Variants in CCDC149 observed in about 807,000 individuals in gnomAD.
CCDC149 encodes coiled-coil domain containing 149.
A neutral mutation model predicts 59.9 loss-of-function variants in CCDC149; 45 were observed. The ratio of observed to expected loss-of-function variants is 0.75; its 90% CI spans 0.59 to 0.96. The LOEUF is 0.96. Among genes scored for constraint, CCDC149 ranks in the 40% least tolerant of loss-of-function variants. The pLI, the probability that CCDC149 is intolerant of heterozygous loss-of-function variation, is 0.00. For missense variants in CCDC149, 584 were observed against 664.7 expected, an observed-to-expected ratio of 0.88 and a Z score of 1.33; for synonymous variants, 245 against 260.6, an observed-to-expected ratio of 0.94 and a Z score of 0.58.
intron 4 of CCDC149, among the ~76,000 whole-genome samples, chr4:24,844,227 A>G (rs1717118293): frequency 6.6e-6 from 1 of 152,058 alleles, no homozygotes; most frequent in African/African-American, 2.4e-5. Flanking sequence ...CTTGCTTGTC[A>G]TATGCACTGA....
chr4:24,885,893 A>T (rs1018734162), intron 1 of CCDC149, among the ~76,000 whole-genome samples: 1 of 152,210 alleles, frequency 6.6e-6, no homozygotes, highest in Non-Finnish European at 1.5e-5. Context: ...TAGGAATAAT[A>T]AGAAGACCTT....
chr4:24,959,444 T>C (rs542392762), intron 1 of CCDC149, among the ~76,000 whole-genome samples: 95 of 151,902 alleles, frequency 6.3e-4, no homozygotes, highest in Non-Finnish European at 1.2e-3. Context: ...AACCTTTGAC[T>C]GGATACCAAC....
chr4:24,952,161 T>C (rs1723310349), intron 1 of CCDC149, among the ~76,000 whole-genome samples: 1 of 152,210 alleles, frequency 6.6e-6, no homozygotes, highest in Non-Finnish European at 1.5e-5. Context: ...GAAGCATACG[T>C]GTACACATCT....
At chr4:24,958,891 G>A (rs1723551115) in intron 1 of CCDC149, among the ~76,000 whole-genome samples, 1 of 152,004 alleles carries the variant, frequency 6.6e-6, no homozygotes, top group Non-Finnish European at 1.5e-5. Context: ...CAGGTGTGGT[G>A]GCACACACCT....
intron 1 of CCDC149, among the ~76,000 whole-genome samples, chr4:24,893,612 A>ATTTTTTT (rs1560241640): frequency 1.2e-3 from 11 of 9,370 alleles, no homozygotes; most frequent in South Asian, 6.0e-3. Flanking sequence ...TAAAATACAG[A>ATTTTTTT]CTTTTTTTTT....
intron 1 of CCDC149, among the ~76,000 whole-genome samples, chr4:24,945,624 CT>C (rs33977689): frequency 0.019 from 2,623 of 141,582 alleles, 24 homozygotes; most frequent in Non-Finnish European, 0.018. Flanking sequence ...TATGCCCTAA[CT>C]TTTTTTTTTT....
rs1241864587 is a variant in CCDC149 at position 24,808,485 on chromosome 4, G to A, written c.1527C>T (p.Ser509=). The A allele has an allele frequency of 6.7e-7, 1 of 1,485,570 alleles. No individual in the cohort carries two copies. Among genetic ancestry groups the A allele is most frequent in the Non-Finnish European group, 8.9e-7 (1 of 1,118,360 alleles). The allele number at this position is 1,485,570 out of a possible 1,614,324, so 92.0% of individuals were successfully genotyped here. A position where few individuals can be genotyped will look rare whatever the true frequency, so the allele number is the denominator to read the frequency against. ...TGGCTGCTGGCCGGCTGGCCTCGAA[G>A]GAGTCCAGGTGAGATTTAGGGAGCT... The change falls in exon 13 of 13, where the codon TCC becomes TCT. Residue 509 remains serine (S), a synonymous_variant. Transcript: ENST00000635206.
In CCDC149 at chr4:24,883,521, G is replaced by A. The variant is rs779278630; in HGVS notation, c.64-6824C>T. Among the ~76,000 whole-genome samples the A allele has an allele frequency of 1.3e-3, 202 of 152,202 alleles. 1 individual carries two copies. Among genetic ancestry groups the A allele is most frequent in the Admixed American group, 3.6e-3 (55 of 15,292 alleles). On this transcript the variant is annotated intron_variant, in intron 1 of 12. Coordinates refer to ENST00000635206, the MANE Select transcript of CCDC149 (RefSeq NM_001330643.2). Reference sequence around the variant, plus strand: ...AGATTATGTTTGATGTGAATTTTGAGAGTGAGTAGGTGTAAAAGGCATCTG... The same window carrying A: ...AGATTATGTTTGATGTGAATTTTGAAAGTGAGTAGGTGTAAAAGGCATCTG...
chr4:24,926,817 G>A (rs977910409), intron 1 of CCDC149, among the ~76,000 whole-genome samples: 2 of 152,126 alleles, frequency 1.3e-5, no homozygotes, highest in Admixed American at 6.5e-5. Context: ...TTCTTCAATC[G>A]CATGTCTGGC....
intron 2 of CCDC149, among the ~76,000 whole-genome samples, chr4:24,875,330 A>AG: frequency 7.3e-6 from 1 of 136,862 alleles, no homozygotes; most frequent in South Asian, 2.2e-4. Context: ...AATCCGTCTC[A>AG]AAAAAAAAAA....
At chr4:24,972,036 CAT>C (rs1491530003) in intron 1 of CCDC149, among the ~76,000 whole-genome samples, 1 of 152,204 alleles carries the variant, frequency 6.6e-6, no homozygotes, top group East Asian at 1.9e-4. Context: ...ACATCTTACA[CAT>C]ATCAATCGGT....
chr4:24,952,640 T>A (rs1273593881), intron 1 of CCDC149, among the ~76,000 whole-genome samples: 6 of 24,544 alleles, frequency 2.4e-4, no homozygotes, highest in South Asian at 1.2e-3. Context: ...TATATATATA[T>A]ATATATATAT....
intron 9 of CCDC149, chr4:24,827,314 G>A (rs1715814193): frequency 6.6e-6 from 1 of 152,250 alleles, no homozygotes; most frequent in African/African-American, 2.4e-5. Flanking sequence ...TACCCCAGGT[G>A]GCCTCCTTTC....
rs570282482 is a variant in CCDC149, at chr4:24,962,188, C to T, written c.-65+17881G>A. Among the ~76,000 whole-genome samples the T allele has an allele frequency of 9.1e-4, 139 of 152,072 alleles. 2 individuals carry two copies. In the South Asian group the frequency reaches 0.023, roughly 25 times the overall value. ...CACTTCTCAAAAGAAGACATCCATG[C>T]AGCCAAAAGACCCATGAAAAAATGC... is the stretch of plus-strand genomic sequence containing the variant. On this transcript the variant is annotated intron_variant, in intron 1 of 12. Coordinates refer to the CCDC149 transcript ENST00000389609.
At chr4:24,934,608 A>T (rs571599379) in intron 1 of CCDC149, among the ~76,000 whole-genome samples, 1 of 152,302 alleles carries the variant, frequency 6.6e-6, no homozygotes, top group Non-Finnish European at 1.5e-5. Flanking sequence ...AGAATTAGTT[A>T]TCTATTACAA....
At chr4:24,898,693 C>T (rs376882765) in intron 1 of CCDC149, among the ~76,000 whole-genome samples, 1 of 152,156 alleles carries the variant, frequency 6.6e-6, no homozygotes, top group African/African-American at 2.4e-5. Flanking sequence ...CCTCAGGAAC[C>T]GAGTTACCCT....
At chr4:24,908,692 C>A (rs768164921) in intron 1 of CCDC149, among the ~76,000 whole-genome samples, 13 of 152,180 alleles carry the variant, frequency 8.5e-5, no homozygotes, top group Non-Finnish European at 1.5e-4. Context: ...AGAGTGAGAC[C>A]TCATCTCTAA....
chr4:24,849,905 A>C lies in CCDC149; in HGVS notation c.372+3167T>G, dbSNP rs116888490. Among the ~76,000 whole-genome samples, 48 of 152,310 alleles carry C rather than the reference A, an allele frequency of 3.2e-4. No individual in the cohort carries two copies. In the East Asian group the frequency reaches 9.1e-3, roughly 29 times the overall value. ...GTATTCTTGAATTTAACAGACTTCA[A>C]CCAGTCAAGGAGCAGGACACTTATC... On this transcript the variant is annotated intron_variant, in intron 4 of 12. Transcript: ENST00000635206.
At chr4:24,961,798 T>C (rs1260708201) in intron 1 of CCDC149, among the ~76,000 whole-genome samples, 2 of 152,010 alleles carry the variant, frequency 1.3e-5, no homozygotes, top group Non-Finnish European at 2.9e-5. Flanking sequence ...ACACCTTATA[T>C]AAAAATTAAT....
Sources: allele counts gnomAD v4.1 joint callset (sites outside exome capture counted in the v4.1 genomes callset), GRCh38; gene constraint gnomAD v4.1.1; transcripts MANE v1.5; gene names NCBI Gene and HGNC (gene_info 2026-07-23, HGNC 2026-07-21).